ASIC4: variants seen among roughly 807,000 people sequenced by gnomAD.
The protein encoded by ASIC4 is acid-sensing ion channel 4.
A neutral mutation model predicts 53.4 loss-of-function variants in ASIC4; 28 were observed. The observed-to-expected ratio is 0.52, with a 90% confidence interval of 0.39 to 0.72. The LOEUF (loss-of-function observed/expected upper bound fraction) is 0.72. ASIC4 is among the 30% of genes least tolerant of loss of function. ASIC4 has a pLI of 0.00. For synonymous variants in ASIC4, 289 were observed against 301.4 expected (o/e 0.96, Z 0.43); for missense variants, 649 against 729.7 (o/e 0.89, Z 1.27).
At position 219,520,702 on chromosome 2, in the gene ASIC4, G is replaced by A. The variant is rs539871717; in HGVS notation, c.582+5396G>A. ...CTGCCTGTCCAGCCCTCTGTTCCCT[G>A]TGGTCCCAGCTTCTCCTGAGGCATG... On this transcript the variant is annotated intron_variant, in intron 1 of 9. Coordinates refer to ENST00000358078, the MANE Select transcript of ASIC4 (RefSeq NM_018674.6). Among the ~76,000 whole-genome samples, 48 of 152,340 alleles carry A rather than the reference G, an allele frequency of 3.2e-4. No homozygotes were observed. The South Asian group carries it at 9.1e-3, about 29-fold the overall frequency.
In ASIC4 at chr2:219,533,045, G is replaced by T. The variant is rs190142783; in HGVS notation, c.1075+106G>T. 9.9e-5 allele frequency: 127 copies of T among 1,276,734 alleles called. No homozygotes were observed. The East Asian group carries it at 2.7e-3, about 27-fold the overall frequency. 79.1% of individuals were successfully genotyped at this position (1,276,734 alleles called of 1,614,324 possible). ...CTCCCCTCCCAATCTCTTCCTGGAG[G>T]GTTCTTCCTGGGGGTTGAGCCTTAG... On this transcript the variant is annotated intron_variant, in intron 5 of 9. Transcript: ENST00000358078.
chr2:219,538,520 C>G lies in ASIC4; in HGVS notation c.*474C>G. On this transcript the variant is annotated 3_prime_UTR_variant, in exon 10 of 10. Transcript: ENST00000358078. The stretch of plus-strand genomic sequence containing the variant: ...CAGGACTCAGGAGTGCTGGGCTGGT[C>G]CTACTTCCTGCCCCTCTCCAGGCCC... 1 of 168,352 alleles carries G rather than the reference C, an allele frequency of 5.9e-6. No homozygotes were observed. Among genetic ancestry groups the G allele is most frequent in the Non-Finnish European group, 1.3e-5 (1 of 77,134 alleles). 10.4% of individuals were successfully genotyped at this position (168,352 alleles called of 1,614,324 possible).
chr2:219,535,205 C>T lies in ASIC4; in HGVS notation c.1110C>T (p.Phe370=). The part of the protein sequence containing the change: ...SLGGGPEGPC[F]CPTPCNLTRY... ...GTGGGGGCCCTGAGGGCCCGTGCTT[C>T]TGCCCCACCCCCTGCAACCTGACAC... Residue 370 remains phenylalanine (F), a synonymous_variant, in exon 6 of 10, where the codon TTC becomes TTT. Transcript: ENST00000358078. 5 of 1,613,940 alleles carry T rather than the reference C, an allele frequency of 3.1e-6. No individual in the cohort carries two copies. The highest frequency in any genetic ancestry group is 4.2e-6 in the Non-Finnish European group (5 of 1,179,922).
In ASIC4 at chr2:219,535,308, A is replaced by ACAT; in HGVS notation, c.1213_1214insCAT (p.Asn405delinsThrTyr). 1.2e-6 allele frequency: 2 copies of ACAT among 1,602,400 alleles called. No individual in the cohort carries two copies. Among genetic ancestry groups the ACAT allele is most frequent in the Non-Finnish European group, 1.7e-6 (2 of 1,173,160 alleles). ...GTACCTGGCGAGGAAGTACAACCGC[A>ACAT]ACGAGACCTACATACGGTATGTGTG... On this transcript the variant is annotated protein_altering_variant, in exon 6 of 10. Transcript: ENST00000358078.
chr2:219,514,347 C>A, upstream of ASIC4: 1 of 1,544,988 alleles, frequency 6.5e-7, no homozygotes. Flanking sequence ...GGAGCACATG[C>A]TGAGCGGAGC....
At chr2:219,532,623 G>A in intron 4 of ASIC4, 146 bp downstream of exon 4, 1 of 1,205,362 alleles carries the variant, frequency 8.3e-7, no homozygotes, top group Non-Finnish European at 1.1e-6. Context: ...GAGTGTTTGG[G>A]ATTTTTAAAC....
the ASIC4 span, among the ~76,000 whole-genome samples, chr2:219,507,892 G>A: frequency 6.6e-6 from 1 of 152,150 alleles, no homozygotes; most frequent in South Asian, 2.1e-4. Context: ...AGAGCCCAGG[G>A]TTTCATAGCT....
At chr2:219,513,904 T>G (rs1225182725), upstream of ASIC4, among the ~76,000 whole-genome samples, 1 of 152,172 alleles carries the variant, frequency 6.6e-6, no homozygotes, top group Non-Finnish European at 1.5e-5. Context: ...TCCCCTGGTC[T>G]GTCTAGCCTG....
chr2:219,514,633 T>C lies in ASIC4; in HGVS notation c.-92T>C. 2 of 1,611,534 alleles carry C rather than the reference T, an allele frequency of 1.2e-6. No individual in the cohort carries two copies. The highest frequency in any genetic ancestry group is 1.7e-6 in the Non-Finnish European group (2 of 1,178,906). On this transcript the variant is annotated 5_prime_UTR_variant, in exon 1 of 10. Coordinates refer to ENST00000358078, the MANE Select transcript of ASIC4 (RefSeq NM_018674.6). ...GCCCTGAGTTTAGAAGAGCAGCCGC[T>C]GCCACCACTGCCACTCGGGAGGGCA...
At position 219,522,355 on chromosome 2, in the gene ASIC4, G is replaced by C. The variant is rs373218393; in HGVS notation, c.582+7049G>C. Among the ~76,000 whole-genome samples, 139 of 152,076 alleles carry C rather than the reference G, an allele frequency of 9.1e-4. 1 individual carries two copies. The highest frequency in any genetic ancestry group is 3.2e-3 in the African/African-American group (132 of 41,514). On this transcript the variant is annotated intron_variant, in intron 1 of 9. Coordinates refer to ENST00000358078, the MANE Select transcript of ASIC4 (RefSeq NM_018674.6). ...TGTGTGGAAGGTGTAAATACCAAAC[G>C]GGGGGAGGGGAGGCGGCTCGGCGGG...
At chr2:219,509,034 G>A in the ASIC4 span, among the ~76,000 whole-genome samples, 2 of 151,658 alleles carry the variant, frequency 1.3e-5, no homozygotes, top group East Asian at 2.0e-4. This position sits in a 1 kb window ranked among gnomAD's most constrained non-coding sequence, Gnocchi z 5.2. Flanking sequence ...GGAGCCAGCC[G>A]AGGGGGAAAG....
chr2:219,531,688 G>A, intron 1 of ASIC4, 70 bp from the exon 2 acceptor site: 1 of 1,510,708 alleles, frequency 6.6e-7, no homozygotes, highest in Non-Finnish European at 8.9e-7. Context: ...TCAGCAGGGA[G>A]CAGGGAACTT....
At chr2:219,534,044 A>AAAG (rs1255834042) in intron 5 of ASIC4, 7 of 150,674 alleles carry the variant, frequency 4.6e-5, no homozygotes, top group Admixed American at 4.6e-4. Flanking sequence ...AAAAAAAAAA[A>AAAG]AAAAAAAAAA....
At chr2:219,514,392 G>C (rs773601560), upstream of ASIC4, 10 of 1,547,678 alleles carry the variant, frequency 6.5e-6, no homozygotes, top group South Asian at 9.5e-5. Context: ...AGCAGCGCTC[G>C]CTCCCTCGCT....
chr2:219,527,341 C>A (rs1694976136), intron 1 of ASIC4, among the ~76,000 whole-genome samples: 1 of 152,268 alleles, frequency 6.6e-6, no homozygotes, highest in African/African-American at 2.4e-5. Context: ...GAGACCCAGA[C>A]AACTTCCACC....
Position 219,532,435 on chromosome 2 carries a change from G to A in ASIC4, c.976G>A (p.Ala326Thr). Residue 326 changes from alanine (A) to threonine (T), a missense_variant, in exon 4 of 10, where the codon GCC becomes ACC. Physicochemically the swap from Ala to Thr is moderately conservative, Grantham distance 58 (BLOSUM62 0). Transcript: ENST00000358078. ...SACRLRCEKEAVLQRCHCRMV... is the reference protein window; with the variant it reads ...SACRLRCEKETVLQRCHCRMV... ...CTGCCGGCTGCGCTGTGAAAAGGAG[G>A]CCGTGCTTCAGCGCTGCCACTGCCG... 1.9e-6 allele frequency: 3 copies of A among 1,613,852 alleles called. No homozygotes were observed. Among genetic ancestry groups the A allele is most frequent in the Non-Finnish European group, 2.5e-6 (3 of 1,179,838 alleles).
chr2:219,520,571 G>A (rs1694868525), intron 1 of ASIC4, among the ~76,000 whole-genome samples: 1 of 152,214 alleles, frequency 6.6e-6, no homozygotes, highest in South Asian at 2.1e-4. Context: ...CTGGGTTGGA[G>A]GTTCCAAGGG....
At position 219,519,679 on chromosome 2, in the gene ASIC4, A is replaced by G. The variant is rs548892703; in HGVS notation, c.582+4373A>G. On this transcript the variant is annotated intron_variant, in intron 1 of 9. Transcript: ENST00000358078. ...GTGCGACAGAGAAAATGAATTTTAC[A>G]TTCAAATAGCCATACGTGGCTATAG... Among the ~76,000 whole-genome samples the G allele has an allele frequency of 6.6e-5, 10 of 152,332 alleles. No homozygotes were observed. In the East Asian group the frequency reaches 1.7e-3, roughly 26 times the overall value.
chr2:219,528,899 G>A (rs1047096648), intron 1 of ASIC4, among the ~76,000 whole-genome samples: 1 of 152,256 alleles, frequency 6.6e-6, no homozygotes, highest in Admixed American at 6.5e-5. Flanking sequence ...AGTGACTTGC[G>A]ATAAGAGCAC....
Sources: allele counts gnomAD v4.1 joint callset (sites outside exome capture counted in the v4.1 genomes callset), GRCh38; gene constraint gnomAD v4.1.1; non-coding constraint Gnocchi (gnomAD v3.1); transcripts MANE v1.5; gene names NCBI Gene and HGNC (gene_info 2026-07-23, HGNC 2026-07-21).